The following NR6A1 variants were observed in gnomAD, a reference collection of about 807,000 sequenced individuals.
The protein encoded by NR6A1 is nuclear receptor subfamily 6 group A member 1, also known as retinoic acid receptor-related testis-associated receptor.
A neutral mutation model predicts 59.1 loss-of-function variants in NR6A1; 7 were observed. The observed-to-expected ratio is 0.12, with a 90% CI of 0.07 to 0.22. The LOEUF is 0.22. Ranked by LOEUF, NR6A1 falls within the 10% of genes least tolerant of loss-of-function variation. The probability of loss-of-function intolerance (pLI) is 1.00; values close to 1 mark genes in which losing one functional copy is unlikely to be tolerated. For missense variants in NR6A1, 468 were observed against 611.6 expected, an observed-to-expected ratio of 0.77 and a Z score of 2.48; for synonymous variants, 243 against 236.1, an observed-to-expected ratio of 1.03 and a Z score of -0.27.
intron 2 of NR6A1, among the ~76,000 whole-genome samples, chr9:124,561,981 AG>A (rs34823774): frequency 6.6e-6 from 1 of 152,238 alleles, no homozygotes; most frequent in African/African-American, 2.4e-5. Flanking sequence ...GCCTGGTGGC[AG>A]GGGAAAGTAA....
chr9:124,628,248 G>C (rs1340774462), intron 2 of NR6A1, among the ~76,000 whole-genome samples: 3 of 152,272 alleles, frequency 2.0e-5, no homozygotes, highest in South Asian at 2.1e-4. Context: ...GAATGGTCTT[G>C]AACTCCTGAC....
chr9:124,735,997 T>C (rs1427497716), intron 1 of NR6A1, among the ~76,000 whole-genome samples: 4 of 152,188 alleles, frequency 2.6e-5, no homozygotes, highest in African/African-American at 9.7e-5. Flanking sequence ...CAGACCATAG[T>C]ACCAGGCAAT....
chr9:124,628,633 G>C (rs1049041495), intron 2 of NR6A1, among the ~76,000 whole-genome samples: 1 of 148,628 alleles, frequency 6.7e-6, no homozygotes, highest in African/African-American at 2.5e-5. Context: ...GAGCCACCAC[G>C]TCCAGCCTAT....
intron 2 of NR6A1, among the ~76,000 whole-genome samples, chr9:124,708,337 G>A (rs941434627): frequency 5.3e-5 from 8 of 152,184 alleles, no homozygotes; most frequent in African/African-American, 1.9e-4. Context: ...ATAGGAACAG[G>A]CCCAGGCAAC....
intron 1 of NR6A1, among the ~76,000 whole-genome samples, chr9:124,753,955 G>A (rs1840573828): frequency 6.6e-6 from 1 of 152,180 alleles, no homozygotes; most frequent in African/African-American, 2.4e-5. Flanking sequence ...TTAAATCACT[G>A]AGAAGTCAAA....
intron 2 of NR6A1, chr9:124,599,441 C>T: frequency 2.4e-6 from 1 of 411,478 alleles, no homozygotes; most frequent in Admixed American, 3.6e-5. Context: ...AAAAAAGTTC[C>T]TCTTCATCTT....
At chr9:124,721,241 A>C (rs968796068) in intron 2 of NR6A1, among the ~76,000 whole-genome samples, 1 of 152,216 alleles carries the variant, frequency 6.6e-6, no homozygotes, top group African/African-American at 2.4e-5. Flanking sequence ...AACTGTAAAC[A>C]AGTGCTAAAC....
chr9:124,570,108 T>C lies in NR6A1; in HGVS notation c.143-15538A>G, dbSNP rs538497279. On this transcript the variant is annotated intron_variant, in intron 2 of 9. Coordinates refer to ENST00000487099, the MANE Select transcript of NR6A1 (RefSeq NM_033334.4). ...ACAGATAAAATGTTACCTATCTCCA[T>C]GGGCAGCAACTCTATGTTCACCTTA... Among the ~76,000 whole-genome samples, 267 of 152,362 alleles carry C rather than the reference T, an allele frequency of 1.8e-3. 2 individuals carry two copies. In the South Asian group the frequency reaches 0.018, roughly 10 times the overall value.
At chr9:124,672,553 T>G (rs1001434236) in intron 2 of NR6A1, among the ~76,000 whole-genome samples, 2 of 151,638 alleles carry the variant, frequency 1.3e-5, no homozygotes, top group Non-Finnish European at 2.9e-5. Context: ...AGGCAGAGGT[T>G]GCAGTGAGCC....
chr9:124,696,594 C>T (rs1229411619), intron 2 of NR6A1, among the ~76,000 whole-genome samples: 1 of 136,716 alleles, frequency 7.3e-6, no homozygotes, highest in Non-Finnish European at 1.5e-5. Context: ...GTGATCTCGG[C>T]TCACTGCAAC....
At chr9:124,699,394 A>C (rs2131042887) in intron 2 of NR6A1, among the ~76,000 whole-genome samples, 1 of 152,354 alleles carries the variant, frequency 6.6e-6, no homozygotes, top group South Asian at 2.1e-4. Context: ...CTCTAGGTCC[A>C]TCAGTAGCAA....
chr9:124,547,725 A>G (rs1200963678), intron 3 of NR6A1, among the ~76,000 whole-genome samples: 1 of 152,224 alleles, frequency 6.6e-6, no homozygotes, highest in African/African-American at 2.4e-5. Flanking sequence ...GAAACTGACA[A>G]GCCCAAATTA....
At chr9:124,679,113 C>T (rs1158501682) in intron 2 of NR6A1, among the ~76,000 whole-genome samples, 4 of 152,172 alleles carry the variant, frequency 2.6e-5, no homozygotes, top group Admixed American at 6.5e-5. Context: ...CTATCCTCAC[C>T]TCAAGTTCCC....
intron 1 of NR6A1, among the ~76,000 whole-genome samples, chr9:124,764,216 G>A (rs7027522): frequency 0.023 from 3,433 of 151,848 alleles, 121 homozygotes; most frequent in African/African-American, 0.078. Flanking sequence ...AAAACTATCT[G>A]GTTAAGCTAT....
chr9:124,750,948 C>T (rs1840482946), intron 1 of NR6A1, among the ~76,000 whole-genome samples: 1 of 152,110 alleles, frequency 6.6e-6, no homozygotes, highest in African/African-American at 2.4e-5. Context: ...GTACAAATGG[C>T]CCTTTGTATC....
chr9:124,534,974 A>C (rs1017463554), intron 7 of NR6A1, among the ~76,000 whole-genome samples: 4 of 152,134 alleles, frequency 2.6e-5, no homozygotes, highest in Non-Finnish European at 5.9e-5. Flanking sequence ...TATACAAAAA[A>C]TTAGCCGGGC....
intron 2 of NR6A1, among the ~76,000 whole-genome samples, chr9:124,694,719 T>C (rs375729770): frequency 8.5e-5 from 13 of 152,166 alleles, no homozygotes; most frequent in African/African-American, 2.7e-4. Flanking sequence ...AAGAAGCAGA[T>C]TCTCATAGCA....
chr9:124,753,576 C>G (rs1390646402), intron 1 of NR6A1, among the ~76,000 whole-genome samples: 5 of 152,154 alleles, frequency 3.3e-5, no homozygotes, highest in Admixed American at 2.0e-4. Flanking sequence ...TCAGTTTACT[C>G]ATCTATAATA....
At chr9:124,591,343 T>C (rs1270020266) in intron 2 of NR6A1, among the ~76,000 whole-genome samples, 1 of 152,212 alleles carries the variant, frequency 6.6e-6, no homozygotes, top group Non-Finnish European at 1.5e-5. Flanking sequence ...CTGTTGCATA[T>C]ATAAGGAAAT....
Sources: gnomAD v4.1 joint callset for allele counts (sites outside exome capture counted in the v4.1 genomes callset) on GRCh38, gnomAD v4.1.1 for gene constraint, MANE v1.5 for transcripts, NCBI Gene and HGNC (gene_info 2026-07-23, HGNC 2026-07-21) for gene names.